Variants in ZFAND2B observed in about 807,000 individuals in gnomAD.
The protein encoded by ZFAND2B is AN1-type zinc finger protein 2B.
A neutral mutation model predicts 38.2 loss-of-function variants in ZFAND2B; 27 were observed. The ratio of observed to expected loss-of-function variants is 0.71; its 90% CI spans 0.52 to 0.97. The LOEUF (loss-of-function observed/expected upper bound fraction) is 0.97. Among genes scored for constraint, ZFAND2B ranks in the 50% least tolerant of loss-of-function variants. The probability of loss-of-function intolerance (pLI) is 0.00; values close to 1 mark genes in which losing one functional copy is unlikely to be tolerated. For synonymous variants in ZFAND2B, 111 were observed against 119.4 expected, an observed-to-expected ratio of 0.93 and a Z score of 0.46; for missense variants, 303 against 331.5, an observed-to-expected ratio of 0.91 and a Z score of 0.67.
intron 7 of ZFAND2B, 144 bp downstream of exon 7, chr2:219,208,783 C>A: frequency 9.0e-7 from 1 of 1,109,584 alleles, no homozygotes; most frequent in Non-Finnish European, 1.3e-6. Flanking sequence ...TGATCTTTGA[C>A]AAGTTATTTA....
In ZFAND2B at chr2:219,207,027, A is replaced by C. The variant is rs1950493830; in HGVS notation, c.40A>C (p.Ser14Arg). 2 of 1,605,778 alleles carry C rather than the reference A, an allele frequency of 1.2e-6. No individual in the cohort carries two copies. Among genetic ancestry groups the C allele is most frequent in the Non-Finnish European group, 1.7e-6 (2 of 1,177,560 alleles). ...CCTCGGCGCTCACTGTTCGGAGCCG[A>C]GCTGTCAGCGCTTGGGTGAGGGGCG... is the stretch of plus-strand genomic sequence containing the variant. Reference protein sequence around the residue: ...PDLGAHCSEPSCQRLDFLPLK... With the variant: ...PDLGAHCSEPRCQRLDFLPLK... Residue 14 changes from serine to arginine, a missense_variant, in exon 1 of 9, where the codon AGC becomes CGC. Coordinates refer to ENST00000289528, the MANE Select transcript of ZFAND2B (RefSeq NM_138802.3).
intron 1 of ZFAND2B, 34 bp from the exon 2 acceptor site, chr2:219,207,293 C>T (rs1950500172): frequency 7.5e-6 from 12 of 1,605,142 alleles, no homozygotes; most frequent in South Asian, 4.4e-5. Flanking sequence ...CATCGAGGTC[C>T]CGCTGGACCT....
chr2:219,207,452 G>A (rs1007800588), intron 2 of ZFAND2B, 31 bp downstream of exon 2: 6 of 1,602,920 alleles, frequency 3.7e-6, no homozygotes, highest in African/African-American at 1.3e-5. Flanking sequence ...GTGAAAGCAG[G>A]CAGATGGAGA....
chr2:219,209,150 C>A (rs1407482268), intron 8 of ZFAND2B, 101 bp downstream of exon 8: 29 of 1,575,292 alleles, frequency 1.8e-5, no homozygotes, highest in Non-Finnish European at 2.4e-5. Flanking sequence ...TGGTGGTTAT[C>A]GTCTGGTTTT....
Position 219,209,458 on chromosome 2 carries a change from G to C in ZFAND2B, c.*152G>C, listed in dbSNP as rs1950544544. ...GCCCTGGGAGCCTCTGGAAGGCCTT[G>C]CTAGTGCTCCAGCTGCATGGAAGAG... On this transcript the variant is annotated 3_prime_UTR_variant, in exon 9 of 9. Coordinates refer to ENST00000289528, the MANE Select transcript of ZFAND2B (RefSeq NM_138802.3). The C allele has an allele frequency of 1.1e-5, 10 of 904,320 alleles. No homozygotes were observed. In the East Asian group the frequency reaches 2.6e-4, roughly 24 times the overall value. 56.0% of individuals were successfully genotyped at this position (904,320 alleles called of 1,614,324 possible).
chr2:219,208,176 T>C (rs887697744), intron 4 of ZFAND2B, 80 bp from the exon 5 acceptor site: 4 of 1,598,986 alleles, frequency 2.5e-6, no homozygotes, highest in East Asian at 2.2e-5. Context: ...TTCAAGTGCA[T>C]GTTTTTCCAG....
In ZFAND2B at chr2:219,206,919, C is replaced by T; in HGVS notation, c.-69C>T. 6.4e-7 allele frequency: 1 copy of T among 1,554,434 alleles called. No individual in the cohort carries two copies. The highest frequency in any genetic ancestry group is 8.8e-7 in the Non-Finnish European group (1 of 1,140,164). On this transcript the variant is annotated 5_prime_UTR_variant, in exon 1 of 9. Transcript: ENST00000289528. ...CCAGAGTGCGGGGTCGCGGTGCGGA[C>T]TTCGAGCACGAGCCCTAAAGACGCT...
rs1950489257 is a variant in ZFAND2B, at chr2:219,206,823, G to A, written c.-165G>A. 1 of 680,754 alleles carries A rather than the reference G, an allele frequency of 1.5e-6. No homozygotes were observed. The highest frequency in any genetic ancestry group is 2.2e-6 in the Non-Finnish European group (1 of 453,622). 42.2% of individuals were successfully genotyped at this position (680,754 alleles called of 1,614,324 possible). A position where few individuals can be genotyped will look rare whatever the true frequency, so the allele number is the denominator to read the frequency against. On this transcript the variant is annotated 5_prime_UTR_variant, in exon 1 of 9. Coordinates refer to ENST00000289528, the MANE Select transcript of ZFAND2B (RefSeq NM_138802.3). ...CGCCGAGGGAGGAGCGGGCGCCGGG[G>A]GCCGGCTGGCGCGGGGGCTCCGGTA...
At chr2:219,207,216 G>A in intron 1 of ZFAND2B, 111 bp from the exon 2 acceptor site, 1 of 1,406,484 alleles carries the variant, frequency 7.1e-7, no homozygotes, top group Non-Finnish European at 1.0e-6. Flanking sequence ...GCTTGGGAAG[G>A]GGCGGTGTGT....
chr2:219,209,164 T>C, intron 8 of ZFAND2B, 98 bp from the exon 9 acceptor site: 1 of 1,569,942 alleles, frequency 6.4e-7, no homozygotes, highest in South Asian at 1.1e-5. Context: ...TGGTTTTCAG[T>C]ATGACTCCAG....
intron 8 of ZFAND2B, 81 bp from the exon 9 acceptor site, chr2:219,209,181 C>T: frequency 6.4e-7 from 1 of 1,568,264 alleles, no homozygotes. Flanking sequence ...CCAGCCCATG[C>T]TGAGCTCTGA....
chr2:219,206,807 A>C lies in ZFAND2B; in HGVS notation c.-181A>C. On this transcript the variant is annotated 5_prime_UTR_variant, in exon 1 of 9. Transcript: ENST00000289528. ...GTCAGCGCGCCGCGCGCGCCGAGGGAGGAGCGGGCGCCGGGGGCCGGCTGG... is the reference window on the plus strand; with the variant it reads ...GTCAGCGCGCCGCGCGCGCCGAGGGCGGAGCGGGCGCCGGGGGCCGGCTGG... 3.7e-6 allele frequency: 2 copies of C among 544,428 alleles called. No homozygotes were observed. Among genetic ancestry groups the C allele is most frequent in the African/African-American group, 2.0e-5 (1 of 49,528 alleles). The allele number at this position is 544,428 out of a possible 1,614,324, so 33.7% of individuals were successfully genotyped here. A position where few individuals can be genotyped will look rare whatever the true frequency, so the allele number is the denominator to read the frequency against.
chr2:219,208,991 A>G lies in ZFAND2B; in HGVS notation c.671A>G (p.Glu224Gly). 1 of 1,614,178 alleles carries G rather than the reference A, an allele frequency of 6.2e-7. No individual in the cohort carries two copies. Among genetic ancestry groups the G allele is most frequent in the Non-Finnish European group, 8.5e-7 (1 of 1,179,984 alleles). Residue 224 changes from glutamate to glycine, a missense_variant, in exon 8 of 9, where the codon GAA becomes GGA. By Grantham distance (98) the Glu-to-Gly change is moderately conservative. Coordinates refer to ENST00000289528, the MANE Select transcript of ZFAND2B (RefSeq NM_138802.3). ...KPQVPSCQEE[E>G]DLALAQALSA... ...CTCCCTCCCAGTTGTCAGGAGGAAG[A>G]AGACCTAGCTTTAGCACAAGCACTG...
rs375280736 is a variant in ZFAND2B, at chr2:219,207,337, G to A, written c.66G>A (p.Pro22=). 1.2e-6 allele frequency: 2 copies of A among 1,614,016 alleles called. No individual in the cohort carries two copies. The highest frequency in any genetic ancestry group is 2.7e-5 in the African/African-American group (2 of 75,058). The change falls in exon 2 of 9, where the codon CCG becomes CCA. Residue 22 remains proline (P), a synonymous_variant. Transcript: ENST00000289528. Reference sequence around the variant, plus strand: ...ACCAACTCTTTGCAGATTTTCTGCCGCTTAAGTGTGATGCCTGCTCAGGCA... The same window carrying A: ...ACCAACTCTTTGCAGATTTTCTGCCACTTAAGTGTGATGCCTGCTCAGGCA... The part of the protein sequence containing the change: ...EPSCQRLDFL[P]LKCDACSGIF...
intron 4 of ZFAND2B, 51 bp downstream of exon 4, chr2:219,208,089 C>G: frequency 6.2e-7 from 1 of 1,612,770 alleles, no homozygotes; most frequent in African/African-American, 1.3e-5. Flanking sequence ...TCTTTTGGAA[C>G]TGACTCAAGC....
Position 219,207,689 on chromosome 2 carries a change from G to A in ZFAND2B, c.192G>A (p.Val64=). ...TGTGCCCTCTCTGTAATGTGCCTGTGCCTGTGGCCAGAGGGGAGCCCCCTG... is the reference window on the plus strand; with the variant it reads ...TGTGCCCTCTCTGTAATGTGCCTGTACCTGTGGCCAGAGGGGAGCCCCCTG... ...VPVCPLCNVP[V]PVARGEPPDR... is the part of the protein sequence containing the mutation. Residue 64 remains valine, a synonymous_variant, in exon 3 of 9, where the codon GTG becomes GTA. Coordinates refer to ENST00000289528, the MANE Select transcript of ZFAND2B (RefSeq NM_138802.3). 6.2e-7 allele frequency: 1 copy of A among 1,614,148 alleles called. No individual in the cohort carries two copies. Among genetic ancestry groups the A allele is most frequent in the South Asian group, 1.1e-5 (1 of 91,074 alleles).
intron 5 of ZFAND2B, 24 bp from the exon 6 acceptor site, chr2:219,208,402 C>G (rs371557744): frequency 2.6e-5 from 42 of 1,614,134 alleles, no homozygotes; most frequent in Non-Finnish European, 3.4e-5. Flanking sequence ...CCTCTGACCT[C>G]CACCTCTTCA....
intron 5 of ZFAND2B, 21 bp downstream of exon 5, chr2:219,208,369 G>A (rs1205392373): frequency 6.2e-7 from 1 of 1,614,006 alleles, no homozygotes; most frequent in Non-Finnish European, 8.5e-7. Context: ...CCGTTTCCCT[G>A]CTCCCCCTTT....
Position 219,208,357 on chromosome 2 carries a change from G to GC in ZFAND2B, c.527+12dup. Reference sequence around the variant, plus strand: ...TGTACCTCTCCCAGCAGGTAGGCCTGCCCGTTTCCCTGCTCCCCCTTTTTC... The same window carrying GC: ...TGTACCTCTCCCAGCAGGTAGGCCTGCCCCGTTTCCCTGCTCCCCCTTTTTC... On this transcript the variant is annotated intron_variant, in intron 5 of 8. Coordinates refer to ENST00000289528, the MANE Select transcript of ZFAND2B (RefSeq NM_138802.3). The GC allele has an allele frequency of 6.2e-7, 1 of 1,614,154 alleles. No homozygotes were observed. The highest frequency in any genetic ancestry group is 8.5e-7 in the Non-Finnish European group (1 of 1,180,030).
Sources: gnomAD v4.1 joint callset for allele counts on GRCh38, gnomAD v4.1.1 for gene constraint, MANE v1.5 for transcripts, NCBI Gene and HGNC (gene_info 2026-07-23, HGNC 2026-07-21) for gene names.